B3GALNT1: variants seen among roughly 807,000 people sequenced by gnomAD.
B3GALNT1 encodes beta-1,3-N-acetylgalactosaminyltransferase 1 (Globoside blood group).
B3GALNT1 carries 17 observed loss-of-function variants against 27.3 expected under a neutral mutation model. The observed-to-expected ratio is 0.62, with a 90% CI of 0.43 to 0.94. B3GALNT1 has a LOEUF of 0.94. B3GALNT1 is among the 40% of genes least tolerant of loss of function. B3GALNT1 has a pLI of 0.00. For synonymous variants in B3GALNT1, 141 were observed against 144.0 expected, an observed-to-expected ratio of 0.98 and a Z score of 0.15; for missense variants, 347 against 390.0, an observed-to-expected ratio of 0.89 and a Z score of 0.93.
Position 161,085,766 on chromosome 3 carries a change from T to C in B3GALNT1, c.989A>G (p.His330Arg), listed in dbSNP as rs947016041. ...WQVMLRNTTCHY is the reference protein window; with the variant it reads ...WQVMLRNTTCRY ...TTTTTGTAGAATGTGAAGTTAATAA[T>C]GGCATGTGGTGTTCCTTAGCATGAC... is the stretch of plus-strand genomic sequence containing the variant. The change falls in exon 5 of 5, where the codon CAT (histidine) becomes CGT (arginine). Residue 330 changes from histidine to arginine, a missense_variant. His to Arg is a conservative substitution (Grantham distance 29). Coordinates refer to ENST00000320474, the MANE Select transcript of B3GALNT1 (RefSeq NM_003781.4). 1.9e-6 allele frequency: 3 copies of C among 1,614,152 alleles called. No homozygotes were observed. Among genetic ancestry groups the C allele is most frequent in the Non-Finnish European group, 2.5e-6 (3 of 1,179,978 alleles).
intron 4 of B3GALNT1, among the ~76,000 whole-genome samples, chr3:161,091,775 T>C (rs1341134430): frequency 5.3e-5 from 8 of 152,212 alleles, no homozygotes; most frequent in African/African-American, 1.9e-4. Flanking sequence ...TCAGGCATGT[T>C]TGGGGGACAG....
In B3GALNT1 at chr3:161,084,523, A is replaced by G. The variant is rs193184592; in HGVS notation, c.*1236T>C. 4 of 152,330 alleles carry G rather than the reference A, an allele frequency of 2.6e-5. No homozygotes were observed. Among genetic ancestry groups the G allele is most frequent in the Admixed American group, 2.6e-4 (4 of 15,302 alleles). 9.4% of individuals were successfully genotyped at this position (152,330 alleles called of 1,614,324 possible). A position where few individuals can be genotyped will look rare whatever the true frequency, so the allele number is the denominator to read the frequency against. On this transcript the variant is annotated 3_prime_UTR_variant, in exon 5 of 5. Coordinates refer to ENST00000320474, the MANE Select transcript of B3GALNT1 (RefSeq NM_003781.4). ...ATATAAACTCTAAAAAGAAAACTGC[A>G]TAAACCCAGGAACAGGGGGCAAGGA...
intron 4 of B3GALNT1, among the ~76,000 whole-genome samples, chr3:161,096,677 A>G (rs148302915): frequency 2.6e-5 from 4 of 152,324 alleles, no homozygotes; most frequent in Non-Finnish European, 4.4e-5. Context: ...AGACTTGTCA[A>G]TTAAACATCT....
rs548578259 is a variant in B3GALNT1 at position 161,091,619 on chromosome 3, C to G, written c.-34-4831G>C. ...GGTATCTCAGTACTTGTGTGCAAGT[C>G]ACCCTTATTTTACCTAATAATGGCC... On this transcript the variant is annotated intron_variant, in intron 4 of 4. Coordinates refer to ENST00000320474, the MANE Select transcript of B3GALNT1 (RefSeq NM_003781.4). 4.5e-4 allele frequency among the ~76,000 whole-genome samples: 69 copies of G among 152,306 alleles called. 1 individual carries two copies. The South Asian group carries it at 0.012, about 26-fold the overall frequency.
chr3:161,091,851 C>T (rs1293137157), intron 4 of B3GALNT1, among the ~76,000 whole-genome samples: 1 of 152,166 alleles, frequency 6.6e-6, no homozygotes, highest in Admixed American at 6.5e-5. Context: ...AATAAGAAAA[C>T]TGTCATTTTG....
At chr3:161,104,093 C>G in intron 2 of B3GALNT1, 1 of 298,784 alleles carries the variant, frequency 3.3e-6, no homozygotes, top group South Asian at 2.9e-5. Context: ...TTCATTTGAA[C>G]GAACATTTTA....
Position 161,103,466 on chromosome 3 carries a change from T to C in B3GALNT1, c.-169A>G. The C allele has an allele frequency of 2.0e-5, 26 of 1,284,148 alleles. No homozygotes were observed. The highest frequency in any genetic ancestry group is 2.4e-5 in the Non-Finnish European group (24 of 984,276). The allele number at this position is 1,284,148 out of a possible 1,614,324, so 79.5% of individuals were successfully genotyped here. On this transcript the variant is annotated 5_prime_UTR_variant, in exon 3 of 5. Coordinates refer to ENST00000320474, the MANE Select transcript of B3GALNT1 (RefSeq NM_003781.4). ...ATGAAATTAAAGCTTAAGTTTTTTG[T>C]TGTTTTCTGTATTCCATGCTTAATT...
chr3:161,098,040 T>G (rs1729127061), intron 4 of B3GALNT1, among the ~76,000 whole-genome samples: 1 of 152,216 alleles, frequency 6.6e-6, no homozygotes, highest in Non-Finnish European at 1.5e-5. Flanking sequence ...CTTTCTACTC[T>G]ATCCAATTTC....
At chr3:161,102,271 G>A (rs1450845077) in intron 3 of B3GALNT1, among the ~76,000 whole-genome samples, 1 of 152,166 alleles carries the variant, frequency 6.6e-6, no homozygotes, top group Non-Finnish European at 1.5e-5. Flanking sequence ...TGTGTTCAGA[G>A]TCAGAAATAC....
At chr3:161,087,291 G>A (rs1576656798) in intron 4 of B3GALNT1, among the ~76,000 whole-genome samples, 2 of 152,252 alleles carry the variant, frequency 1.3e-5, no homozygotes, top group Middle Eastern at 3.4e-3. Context: ...AGCAAATCTG[G>A]ATAAGAAAAA....
intron 4 of B3GALNT1, among the ~76,000 whole-genome samples, chr3:161,092,258 A>T (rs932067333): frequency 3.9e-5 from 6 of 152,238 alleles, no homozygotes; most frequent in Non-Finnish European, 8.8e-5. Context: ...TTCCAATGGA[A>T]TCCTATATGA....
intron 4 of B3GALNT1, among the ~76,000 whole-genome samples, chr3:161,091,661 G>A (rs1241603808): frequency 6.6e-6 from 1 of 152,160 alleles, no homozygotes; most frequent in Non-Finnish European, 1.5e-5. Flanking sequence ...CAGAAAAGTA[G>A]GATGCTGACA....
At position 161,086,179 on chromosome 3, in the gene B3GALNT1, CTTCA is replaced by C; in HGVS notation, c.572_575del (p.Val191GlyfsTer4). ...CTGAGTGGTTTAGGTTTAAAAGATA[CTTCA>C]CTAAATTGCCAGTATTGATGAAAAC... On this transcript the variant is annotated frameshift_variant, in exon 5 of 5. Transcript: ENST00000320474. LOFTEE classifies it high-confidence loss of function. The C allele has an allele frequency of 6.2e-7, 1 of 1,614,024 alleles. No homozygotes were observed.
At chr3:161,087,075 T>C (rs1029739197) in intron 4 of B3GALNT1, among the ~76,000 whole-genome samples, 1 of 152,150 alleles carries the variant, frequency 6.6e-6, no homozygotes, top group African/African-American at 2.4e-5. Flanking sequence ...TAAATATAAT[T>C]CTATCCTAGG....
intron 4 of B3GALNT1, among the ~76,000 whole-genome samples, chr3:161,094,543 T>C (rs1292388642): frequency 6.6e-6 from 1 of 152,190 alleles, no homozygotes; most frequent in East Asian, 1.9e-4. Flanking sequence ...ATGTTGGCTA[T>C]TTCCTGCAAA....
At chr3:161,092,958 C>T (rs926897778) in intron 4 of B3GALNT1, among the ~76,000 whole-genome samples, 1 of 151,758 alleles carries the variant, frequency 6.6e-6, no homozygotes, top group Non-Finnish European at 1.5e-5. Context: ...GGGGTTTCAC[C>T]ATGTTAGCCA....
rs1051528525 is a variant in B3GALNT1, at chr3:161,085,551, A to G, written c.*208T>C. ...TTTAGCAAAAACCTCCAATTCCTTT[A>G]TATTTAATTCCTCCACATATCATCT... On this transcript the variant is annotated 3_prime_UTR_variant, in exon 5 of 5. Transcript: ENST00000320474. 1 of 575,942 alleles carries G rather than the reference A, an allele frequency of 1.7e-6. No individual in the cohort carries two copies. The highest frequency in any genetic ancestry group is 1.9e-5 in the African/African-American group (1 of 53,446). 35.7% of individuals were successfully genotyped at this position (575,942 alleles called of 1,614,324 possible).
At chr3:161,104,547 G>C (rs1733243607) in intron 1 of B3GALNT1, 141 bp from the exon 2 acceptor site, 1 of 370,736 alleles carries the variant, frequency 2.7e-6, no homozygotes, top group Non-Finnish European at 5.2e-6. Flanking sequence ...GCTTGGAAAA[G>C]TGAGACTCCG....
At chr3:161,092,925 T>C (rs920612765) in intron 4 of B3GALNT1, among the ~76,000 whole-genome samples, 1 of 151,950 alleles carries the variant, frequency 6.6e-6, no homozygotes, top group Admixed American at 6.6e-5. Context: ...GCCCGGCTAA[T>C]TTTTTGTATT....
Sources: gnomAD v4.1 joint callset for allele counts (sites outside exome capture counted in the v4.1 genomes callset) on GRCh38, gnomAD v4.1.1 for gene constraint, MANE v1.5 for transcripts, NCBI Gene and HGNC (gene_info 2026-07-23, HGNC 2026-07-21) for gene names.